STOX2: variants seen among roughly 807,000 people sequenced by gnomAD.
STOX2 encodes the protein storkhead-box protein 2.
Under a neutral mutation model 60.9 loss-of-function variants are expected in STOX2, and 28 were observed. The observed-to-expected ratio is 0.46, with a 90% CI of 0.34 to 0.63. STOX2 has a LOEUF of 0.63. Ranked by LOEUF, STOX2 falls within the 30% of genes least tolerant of loss-of-function variation. STOX2 has a pLI of 0.01. For missense variants in STOX2, 1,024 were observed against 1,187.7 expected (o/e 0.86, Z 2.03); for synonymous variants, 472 against 463.9 (o/e 1.02, Z -0.22).
chr4:183,969,062 T>C (rs373350829), intron 1 of STOX2, among the ~76,000 whole-genome samples: 7 of 152,366 alleles, frequency 4.6e-5, no homozygotes, highest in African/African-American at 1.7e-4. Flanking sequence ...TGTGGAACTT[T>C]AAAGAGGCCA....
intron 1 of STOX2, 57 bp downstream of exon 1, chr4:183,907,013 C>G (rs1741638866): frequency 2.8e-6 from 4 of 1,413,810 alleles, no homozygotes; most frequent in Admixed American, 5.1e-5. Flanking sequence ...GTGCTCGGTA[C>G]GCCGCGGCCC....
intron 1 of STOX2, among the ~76,000 whole-genome samples, chr4:183,814,612 G>T (rs1427724899): frequency 1.3e-5 from 2 of 152,160 alleles, no homozygotes; most frequent in East Asian, 3.9e-4. Context: ...ACTTTAAATA[G>T]ATAAATGAGT....
Position 184,010,675 on chromosome 4 carries a change from G to A in STOX2, c.1837G>A (p.Ala613Thr), listed in dbSNP as rs745980111. The A allele has an allele frequency of 6.2e-7, 1 of 1,613,686 alleles. No homozygotes were observed. The highest frequency in any genetic ancestry group is 8.5e-7 in the Non-Finnish European group (1 of 1,179,778). The stretch of plus-strand genomic sequence containing the variant: ...CACCTCTAGTGAGACGGTGCTCACG[G>A]CACCATCACCTCTGGGAAAGAATAA... ...CNTSSETVLT[A>T]PSPLGKNKED... is the part of the protein sequence containing the mutation. The change falls in exon 3 of 4, where the codon GCA becomes ACA. Residue 613 changes from alanine to threonine, a missense_variant. Coordinates refer to ENST00000308497, the MANE Select transcript of STOX2 (RefSeq NM_020225.3). This position sits in a 1 kb window ranked among gnomAD's most constrained non-coding sequence, Gnocchi z 4.5.
At chr4:183,837,036 C>T (rs1438798809) in intron 1 of STOX2, among the ~76,000 whole-genome samples, 1 of 152,068 alleles carries the variant, frequency 6.6e-6, no homozygotes, top group Non-Finnish European at 1.5e-5. Flanking sequence ...TAGCACTGTA[C>T]AAGAGTGGGG....
intron 1 of STOX2, among the ~76,000 whole-genome samples, chr4:183,934,554 G>A (rs1191156016): frequency 6.6e-6 from 1 of 151,976 alleles, no homozygotes; most frequent in Non-Finnish European, 1.5e-5. Context: ...TTATCCAGTT[G>A]TACAGCAATT....
intron 1 of STOX2, among the ~76,000 whole-genome samples, chr4:183,993,303 C>G (rs1032374882): frequency 2.0e-5 from 3 of 152,162 alleles, no homozygotes; most frequent in African/African-American, 7.2e-5. Context: ...ACCAATGAGC[C>G]AATTAATTCG....
At chr4:183,880,779 A>C (rs1740941271) in intron 1 of STOX2, among the ~76,000 whole-genome samples, 1 of 152,220 alleles carries the variant, frequency 6.6e-6, no homozygotes, top group Admixed American at 6.5e-5. Flanking sequence ...AACAACCAAC[A>C]TGAAATTTTA....
chr4:183,992,857 G>A (rs185347697), intron 1 of STOX2, among the ~76,000 whole-genome samples: 175 of 152,282 alleles, frequency 1.1e-3, no homozygotes, highest in Non-Finnish European at 2.2e-3. Context: ...GAAAGCATTC[G>A]GCTAGGTTTT....
intron 1 of STOX2, among the ~76,000 whole-genome samples, chr4:183,930,778 T>C (rs1156770769): frequency 6.6e-6 from 1 of 152,240 alleles, no homozygotes; most frequent in Admixed American, 6.5e-5. Flanking sequence ...TTTTGGATGC[T>C]GTAACTCAGT....
At chr4:183,830,211 T>G (rs1343269485) in intron 1 of STOX2, among the ~76,000 whole-genome samples, 1 of 152,164 alleles carries the variant, frequency 6.6e-6, no homozygotes, top group East Asian at 1.9e-4. Flanking sequence ...GTTACTTGCT[T>G]TTCTGCTAAC....
At chr4:183,876,252 A>C (rs901731534) in intron 1 of STOX2, among the ~76,000 whole-genome samples, 2 of 152,176 alleles carry the variant, frequency 1.3e-5, no homozygotes, top group African/African-American at 4.8e-5. Flanking sequence ...CTGATGCATT[A>C]CCCCTGACTT....
chr4:183,810,262 C>G (rs75068185), intron 1 of STOX2, among the ~76,000 whole-genome samples: 4,129 of 152,280 alleles, frequency 0.027, 98 homozygotes, highest in Non-Finnish European at 0.044. Flanking sequence ...GCCCAGAAAC[C>G]TCCTTCATTG....
chr4:183,902,499 A>T (rs1258987264), upstream of STOX2, among the ~76,000 whole-genome samples: 1 of 152,226 alleles, frequency 6.6e-6, no homozygotes, highest in East Asian at 1.9e-4. Context: ...ATACTGGCTT[A>T]CAAAACCGAG....
chr4:183,889,676 T>A (rs1402389795), intron 1 of STOX2, among the ~76,000 whole-genome samples: 1 of 152,226 alleles, frequency 6.6e-6, no homozygotes, highest in Non-Finnish European at 1.5e-5. Context: ...GGCCCAGCCC[T>A]GAAAGGGCCT....
chr4:184,001,179 G>A lies in STOX2; in HGVS notation c.167-146G>A. ...GAGTGGAATTGGCTGTGGCTTCTGT[G>A]TTCAGAGTGGAATTGGCAAGCAGCT... On this transcript the variant is annotated intron_variant, in intron 1 of 3. Transcript: ENST00000308497. The surrounding 1 kb of genome is among the most constrained non-coding windows in gnomAD (Gnocchi z 4.2). 1 of 698,014 alleles carries A rather than the reference G, an allele frequency of 1.4e-6. No individual in the cohort carries two copies. The highest frequency in any genetic ancestry group is 2.0e-5 in the South Asian group (1 of 49,426). 43.2% of individuals were successfully genotyped at this position (698,014 alleles called of 1,614,324 possible).
chr4:184,002,964 T>C (rs17075206), intron 2 of STOX2, among the ~76,000 whole-genome samples: 4,647 of 152,374 alleles, frequency 0.03, 68 homozygotes, highest in Admixed American at 0.063. Flanking sequence ...ATACAAATTA[T>C]TTTAAGATTT....
At chr4:183,880,020 G>A (rs1242639528) in intron 1 of STOX2, among the ~76,000 whole-genome samples, 6 of 152,106 alleles carry the variant, frequency 3.9e-5, no homozygotes, top group East Asian at 1.9e-4. Flanking sequence ...ACGGAATCTC[G>A]CTCTGTTGCC....
At position 184,023,430 on chromosome 4, in the gene STOX2, A is replaced by G. The variant is rs1177326079; in HGVS notation, c.*6146A>G. 6.6e-6 allele frequency: 1 copy of G among 152,198 alleles called. No individual in the cohort carries two copies. Among genetic ancestry groups the G allele is most frequent in the African/African-American group, 2.4e-5 (1 of 41,460 alleles). The allele number at this position is 152,198 out of a possible 1,614,324, so 9.4% of individuals were successfully genotyped here. ...AGTCTATATTTGAAAGTCCCTCCCT[A>G]TGGTGATACTGTGTTCATGTTGTTT... is the stretch of plus-strand genomic sequence containing the variant. On this transcript the variant is annotated 3_prime_UTR_variant, in exon 4 of 4. Transcript: ENST00000308497.
chr4:183,884,297 T>C (rs1166807797), intron 1 of STOX2, among the ~76,000 whole-genome samples: 1 of 127,750 alleles, frequency 7.8e-6, no homozygotes, highest in Non-Finnish European at 1.7e-5. Context: ...TTGTTGGTTG[T>C]CTCTAATTTT....
Sources: allele counts gnomAD v4.1 joint callset (sites outside exome capture counted in the v4.1 genomes callset), GRCh38; gene constraint gnomAD v4.1.1; non-coding constraint Gnocchi (gnomAD v3.1); transcripts MANE v1.5; gene names NCBI Gene and HGNC (gene_info 2026-07-23, HGNC 2026-07-21).